SLC2A13: variants seen among roughly 807,000 people sequenced by gnomAD.
SLC2A13 encodes the protein solute carrier family 2 member 13, also known as proton myo-inositol cotransporter.
In SLC2A13, 32 loss-of-function variants were observed where a neutral mutation model predicts 64.4. That is an observed-to-expected ratio of 0.50 (90% CI 0.37 to 0.67). The LOEUF is 0.67. SLC2A13 is among the 30% of genes least tolerant of loss of function. SLC2A13 has a pLI of 0.00. For synonymous variants in SLC2A13, 338 were observed against 327.1 expected, an observed-to-expected ratio of 1.03 and a Z score of -0.36; for missense variants, 743 against 829.2, an observed-to-expected ratio of 0.90 and a Z score of 1.28.
Position 39,764,792 on chromosome 12 carries a change from T to G in SLC2A13, c.1512A>C (p.Pro504=), listed in dbSNP as rs1471175920. ...IFWAYNFCPT[P]YSWTALLGLI... ...GGCCCAGAAGTGCAGTCCAGGAGTA[T>G]GGAGTAGGGCAGAAATTGTAAGCCC... Residue 504 remains proline, a synonymous_variant, in exon 8 of 10, where the codon CCA becomes CCC. Transcript: ENST00000280871. The G allele has an allele frequency of 4.3e-6, 7 of 1,612,566 alleles. No homozygotes were observed. Among genetic ancestry groups the G allele is most frequent in the Non-Finnish European group, 5.9e-6 (7 of 1,179,198 alleles).
chr12:40,073,016 C>G lies in SLC2A13; in HGVS notation c.557-24806G>C, dbSNP rs146504190. On this transcript the variant is annotated intron_variant, in intron 1 of 9. Transcript: ENST00000280871. ...CTCCTTTCTCACCACATTGGTTATA[C>G]TGCTTTCATTACTTTTTCTTTGTGC... 2.6e-3 allele frequency among the ~76,000 whole-genome samples: 396 copies of G among 152,124 alleles called. 3 individuals are homozygous for G. The highest frequency in any genetic ancestry group is 9.3e-3 in the African/African-American group (386 of 41,530).
chr12:39,850,800 G>A (rs1025029305), intron 6 of SLC2A13, among the ~76,000 whole-genome samples: 3 of 152,026 alleles, frequency 2.0e-5, no homozygotes, highest in Non-Finnish European at 2.9e-5. Context: ...TATATCACAC[G>A]GAATTTTTGT....
intron 1 of SLC2A13, among the ~76,000 whole-genome samples, chr12:40,073,007 T>C (rs10083206): frequency 5.0e-4 from 76 of 152,222 alleles, no homozygotes; most frequent in African/African-American, 1.6e-3. Flanking sequence ...TCTCACCACA[T>C]TGGTTATACT....
At position 40,012,523 on chromosome 12, in the gene SLC2A13, C is replaced by T. The variant is rs1316309491; in HGVS notation, c.925+15778G>A. On this transcript the variant is annotated intron_variant, in intron 3 of 9. Transcript: ENST00000280871. ...TTACAGAAGGTCAGAATGTGTGTTG[C>T]TTAAAGATGTGATGTGATATTTTTC... 2.0e-5 allele frequency among the ~76,000 whole-genome samples: 3 copies of T among 152,138 alleles called. No homozygotes were observed. In the East Asian group the frequency reaches 5.8e-4, roughly 29 times the overall value.
chr12:39,934,926 G>T (rs969528730), intron 4 of SLC2A13, among the ~76,000 whole-genome samples: 4 of 152,070 alleles, frequency 2.6e-5, no homozygotes, highest in African/African-American at 9.7e-5. Context: ...TGCATGGAGC[G>T]GCTTAATAGC....
intron 4 of SLC2A13, among the ~76,000 whole-genome samples, chr12:39,927,618 T>C (rs1945751106): frequency 6.6e-6 from 1 of 152,188 alleles, no homozygotes; most frequent in Non-Finnish European, 1.5e-5. Context: ...AAATATTTTA[T>C]TTGCTACTGT....
intron 3 of SLC2A13, among the ~76,000 whole-genome samples, chr12:39,962,685 C>T (rs1350236331): frequency 6.6e-6 from 1 of 152,082 alleles, no homozygotes; most frequent in East Asian, 1.9e-4. Flanking sequence ...CCCGGTTTTT[C>T]AATAGATATT....
At chr12:39,963,451 T>G (rs1186625125) in intron 3 of SLC2A13, among the ~76,000 whole-genome samples, 1 of 152,204 alleles carries the variant, frequency 6.6e-6, no homozygotes, top group Non-Finnish European at 1.5e-5. Context: ...TCCTTTATAT[T>G]TAACACTCCT....
At chr12:39,815,303 C>T (rs1464106612) in intron 7 of SLC2A13, among the ~76,000 whole-genome samples, 2 of 152,170 alleles carry the variant, frequency 1.3e-5, no homozygotes, top group Non-Finnish European at 2.9e-5. Context: ...GTGAGCTGTA[C>T]TGGATATGGT....
chr12:39,760,128 T>A lies in SLC2A13; in HGVS notation c.1845A>T (p.Thr615=). ...CTTCATCAGAATCTGAAGTGCCACA[T>A]GTACATAGCCTGTTGTCAAAGAGTG... ...IESLFDNRLC[T]CGTSDSDEGR... is the part of the protein sequence containing the mutation. The change falls in exon 10 of 10, where the codon ACA becomes ACT. Residue 615 remains threonine, a synonymous_variant. Transcript: ENST00000280871. 1.9e-6 allele frequency: 3 copies of A among 1,613,018 alleles called. No individual in the cohort carries two copies. Among genetic ancestry groups the A allele is most frequent in the Non-Finnish European group, 2.5e-6 (3 of 1,179,360 alleles).
At chr12:40,038,730 C>CAAA (rs34951191) in intron 2 of SLC2A13, among the ~76,000 whole-genome samples, 4 of 107,308 alleles carry the variant, frequency 3.7e-5, no homozygotes, top group Non-Finnish European at 7.4e-5. Context: ...GACCCTGTCT[C>CAAA]AAAAAAAAAA....
chr12:39,862,394 G>T (rs1363827897), intron 6 of SLC2A13, among the ~76,000 whole-genome samples: 1 of 152,094 alleles, frequency 6.6e-6, no homozygotes, highest in African/African-American at 2.4e-5. Context: ...CATCACTGTG[G>T]TCTATAGATT....
chr12:40,102,875 T>C (rs964547885), intron 1 of SLC2A13, among the ~76,000 whole-genome samples: 9 of 152,242 alleles, frequency 5.9e-5, no homozygotes, highest in Non-Finnish European at 1.2e-4. Flanking sequence ...GCATAGATCC[T>C]AATTTTAATC....
At chr12:39,792,803 GA>G (rs71075082) in intron 7 of SLC2A13, among the ~76,000 whole-genome samples, 6 of 149,516 alleles carry the variant, frequency 4.0e-5, no homozygotes, top group African/African-American at 1.2e-4. Flanking sequence ...TGTATTTAAT[GA>G]AAAAAAAAAA....
At chr12:39,880,060 G>A (rs574313490) in intron 4 of SLC2A13, among the ~76,000 whole-genome samples, 9 of 151,980 alleles carry the variant, frequency 5.9e-5, no homozygotes, top group African/African-American at 7.2e-5. Flanking sequence ...TCTCTCTCGC[G>A]CTTGCTCTTG....
chr12:40,007,703 T>C (rs1165245715), intron 3 of SLC2A13, among the ~76,000 whole-genome samples: 2 of 152,170 alleles, frequency 1.3e-5, no homozygotes, highest in East Asian at 1.9e-4. Flanking sequence ...TGTTAACTTC[T>C]CTATCAATTT....
chr12:39,797,142 T>G (rs1354902062), intron 7 of SLC2A13, among the ~76,000 whole-genome samples: 1 of 152,212 alleles, frequency 6.6e-6, no homozygotes, highest in African/African-American at 2.4e-5. Context: ...TTGTTATTTG[T>G]AAAAATTCTG....
At chr12:40,091,999 C>T (rs1197475421) in intron 1 of SLC2A13, among the ~76,000 whole-genome samples, 2 of 152,160 alleles carry the variant, frequency 1.3e-5, no homozygotes, top group Non-Finnish European at 2.9e-5. Flanking sequence ...CCAGGTAGAC[C>T]TCATCAACCT....
At chr12:39,906,439 T>C (rs1008281492) in intron 4 of SLC2A13, among the ~76,000 whole-genome samples, 7 of 152,142 alleles carry the variant, frequency 4.6e-5, no homozygotes, top group Non-Finnish European at 7.4e-5. Context: ...AGTCACTAGA[T>C]AACTTTCCCC....
Sources: gnomAD v4.1 joint callset for allele counts (sites outside exome capture counted in the v4.1 genomes callset) on GRCh38, gnomAD v4.1.1 for gene constraint, MANE v1.5 for transcripts, NCBI Gene and HGNC (gene_info 2026-07-23, HGNC 2026-07-21) for gene names.